HTRA3: variants seen among roughly 807,000 people sequenced by gnomAD.
The protein encoded by HTRA3 is serine protease HTRA3.
Under a neutral mutation model 43.2 loss-of-function variants are expected in HTRA3, and 41 were observed. That is an observed-to-expected ratio of 0.95 (90% CI 0.74 to 1.23). HTRA3 has a LOEUF of 1.23. HTRA3 is among the 50% of genes most tolerant of loss of function. The pLI, the probability that HTRA3 is intolerant of heterozygous loss-of-function variation, is 0.00. For missense variants in HTRA3, 628 were observed against 647.1 expected (o/e 0.97, Z 0.32); for synonymous variants, 295 against 287.9 (o/e 1.02, Z -0.25).
At chr4:8,270,836 T>G (rs1019186018) in intron 1 of HTRA3, among the ~76,000 whole-genome samples, 8 of 152,112 alleles carry the variant, frequency 5.3e-5, no homozygotes, top group Non-Finnish European at 1.2e-4. Flanking sequence ...CCTGAACTGC[T>G]TAGGGCGCCC....
intron 3 of HTRA3, among the ~76,000 whole-genome samples, chr4:8,291,021 C>T (rs1275818722): frequency 6.6e-6 from 1 of 152,210 alleles, no homozygotes; most frequent in Non-Finnish European, 1.5e-5. Context: ...CAGGTGTCTG[C>T]AGCTTTTACC....
chr4:8,291,224 G>C (rs1298940008), intron 3 of HTRA3, 146 bp from the exon 4 acceptor site: 1 of 703,950 alleles, frequency 1.4e-6, no homozygotes, highest in African/African-American at 1.7e-5. Flanking sequence ...CTGCACTGGT[G>C]ACCTGCCTGA....
In HTRA3 at chr4:8,306,313, G is replaced by C. The variant is rs1578811051; in HGVS notation, c.*177G>C. 3 of 615,304 alleles carry C rather than the reference G, an allele frequency of 4.9e-6. No homozygotes were observed. In the East Asian group the frequency reaches 9.1e-5, roughly 19 times the overall value. 38.1% of individuals were successfully genotyped at this position (615,304 alleles called of 1,614,324 possible). On this transcript the variant is annotated 3_prime_UTR_variant, in exon 9 of 9. Coordinates refer to ENST00000307358, the MANE Select transcript of HTRA3 (RefSeq NM_053044.5). The surrounding 1 kb of genome is among the most constrained non-coding windows in gnomAD (Gnocchi z 8.9). ...AGGGGCCCGAATTTCCGCCTGGGGA[G>C]TGTTGGATCCACATCCCGGTGCCGG...
chr4:8,279,897 G>A lies in HTRA3; in HGVS notation c.386-2540G>A, dbSNP rs1203603427. 6.6e-6 allele frequency among the ~76,000 whole-genome samples: 1 copy of A among 152,184 alleles called. No individual in the cohort carries two copies. The highest frequency in any genetic ancestry group is 1.5e-5 in the Non-Finnish European group (1 of 68,036). On this transcript the variant is annotated intron_variant, in intron 1 of 8. Coordinates refer to ENST00000307358, the MANE Select transcript of HTRA3 (RefSeq NM_053044.5). The surrounding 1 kb of genome is among the most constrained non-coding windows in gnomAD (Gnocchi z 7.4). ...CTGGTCGGTCACTGACTTGACCCTT[G>A]CCCCCAGCTGAACCACTGTGTCTCC...
At chr4:8,299,705 A>G (rs983992581) in intron 6 of HTRA3, among the ~76,000 whole-genome samples, 1 of 152,176 alleles carries the variant, frequency 6.6e-6, no homozygotes, top group Admixed American at 6.5e-5. Context: ...CTTTTTGTGC[A>G]TCTCTGGAGA....
At chr4:8,290,086 T>G (rs1713172498) in intron 3 of HTRA3, among the ~76,000 whole-genome samples, 1 of 152,204 alleles carries the variant, frequency 6.6e-6, no homozygotes. Context: ...ATGTCATCTC[T>G]CCGGGCCCTC....
chr4:8,302,495 C>A lies in HTRA3; in HGVS notation c.1084C>A (p.Arg362=), dbSNP rs746783864. The A allele has an allele frequency of 1.9e-6, 3 of 1,614,008 alleles. No homozygotes were observed. Among genetic ancestry groups the A allele is most frequent in the South Asian group, 1.1e-5 (1 of 91,082 alleles). ...WKKRFIGIRM[R]TITPSLVDEL... ...GAAGCGCTTCATCGGCATACGGATG[C>A]GGACGATCACACCAAGGTGAGTGTC... The change falls in exon 7 of 9, where the codon CGG becomes AGG. Residue 362 remains arginine (R), a synonymous_variant. Coordinates refer to ENST00000307358, the MANE Select transcript of HTRA3 (RefSeq NM_053044.5).
rs1713843667 is a variant in HTRA3, at chr4:8,306,201, G to A, written c.*65G>A. ...ACAACGGAGGGCAGCGCCCCCCCGA[G>A]ATCAGGACGAAGGACCACCGTCGGT... On this transcript the variant is annotated 3_prime_UTR_variant, in exon 9 of 9. Transcript: ENST00000307358. The surrounding 1 kb of genome is among the most constrained non-coding windows in gnomAD (Gnocchi z 8.9). 1.3e-6 allele frequency: 2 copies of A among 1,486,246 alleles called. No homozygotes were observed. The highest frequency in any genetic ancestry group is 1.4e-5 in the African/African-American group (1 of 71,224). The allele number at this position is 1,486,246 out of a possible 1,614,324, so 92.1% of individuals were successfully genotyped here. A position where few individuals can be genotyped will look rare whatever the true frequency, so the allele number is the denominator to read the frequency against.
chr4:8,282,510 C>G lies in HTRA3; in HGVS notation c.459C>G (p.Ala153=). The change falls in exon 2 of 9, where the codon GCC becomes GCG. Residue 153 remains alanine, a synonymous_variant. Transcript: ENST00000307358. ...ACGTGGTGGAGAAGATCGCACCAGC[C>G]GTGGTCCACATAGAGCTCTTCCTGA... The part of the protein sequence containing the change: ...IADVVEKIAP[A]VVHIELFLRH... 1 of 1,614,052 alleles carries G rather than the reference C, an allele frequency of 6.2e-7. No individual in the cohort carries two copies. The highest frequency in any genetic ancestry group is 1.1e-5 in the South Asian group (1 of 91,072).
chr4:8,277,435 G>C lies in HTRA3; in HGVS notation c.386-5002G>C, dbSNP rs577575493. ...GGTCCAGCCCAGACGCAGGGGTGCAGGCCACAGGTACACTCCCAAGGGACT... is the reference window on the plus strand; with the variant it reads ...GGTCCAGCCCAGACGCAGGGGTGCACGCCACAGGTACACTCCCAAGGGACT... On this transcript the variant is annotated intron_variant, in intron 1 of 8. Coordinates refer to ENST00000307358, the MANE Select transcript of HTRA3 (RefSeq NM_053044.5). 9.6e-4 allele frequency among the ~76,000 whole-genome samples: 146 copies of C among 151,314 alleles called. 1 individual carries two copies. The highest frequency in any genetic ancestry group is 3.5e-3 in the African/African-American group (144 of 41,468).
chr4:8,295,788 G>A lies in HTRA3; in HGVS notation c.1051+1587G>A, dbSNP rs1713432686. 1.6e-6 allele frequency: 2 copies of A among 1,267,362 alleles called. No individual in the cohort carries two copies. The highest frequency in any genetic ancestry group is 2.8e-5 in the South Asian group (1 of 35,148). The allele number at this position is 1,267,362 out of a possible 1,614,324, so 78.5% of individuals were successfully genotyped here. ...AGCCAAGCACATGGACCCCAGTGCA[G>A]CCAAGGCTGGTGCCATGAGGGCTGG... On this transcript the variant is annotated intron_variant, in intron 6 of 8. Coordinates refer to ENST00000307358, the MANE Select transcript of HTRA3 (RefSeq NM_053044.5). This position sits in a 1 kb window ranked among gnomAD's most constrained non-coding sequence, Gnocchi z 6.9.
chr4:8,278,471 G>T (rs1448509968), intron 1 of HTRA3, among the ~76,000 whole-genome samples: 2 of 152,092 alleles, frequency 1.3e-5, no homozygotes, highest in South Asian at 2.1e-4. Flanking sequence ...AGGATGGGGT[G>T]GGGGTGGAGG....
In HTRA3 at chr4:8,292,443, A is replaced by G. The variant is rs73083639; in HGVS notation, c.936+90A>G. 20,725 of 1,074,212 alleles carry G rather than the reference A, an allele frequency of 0.019. 381 individuals carry two copies. Among genetic ancestry groups the G allele is most frequent in the African/African-American group, 0.075 (4,766 of 63,806 alleles). The allele number at this position is 1,074,212 out of a possible 1,614,324, so 66.5% of individuals were successfully genotyped here. A position where few individuals can be genotyped will look rare whatever the true frequency, so the allele number is the denominator to read the frequency against. ...GCCTTGAGGTGGGACAGGGCCCACA[A>G]TATGGTCCTAGAACATTTACACCAA... On this transcript the variant is annotated intron_variant, in intron 5 of 8. Coordinates refer to ENST00000307358, the MANE Select transcript of HTRA3 (RefSeq NM_053044.5).
Position 8,270,166 on chromosome 4 carries a change from G to A in HTRA3, c.198G>A (p.Leu66=). Residue 66 remains leucine, a synonymous_variant, in exon 1 of 9, where the codon CTG becomes CTA. Coordinates refer to ENST00000307358, the MANE Select transcript of HTRA3 (RefSeq NM_053044.5). ...AGGGCGAGCCCTGTGGCGGCCCTCTGGACTCGCCTTGCGGCGAGAGCCTGG... is the reference window on the plus strand; with the variant it reads ...AGGGCGAGCCCTGTGGCGGCCCTCTAGACTCGCCTTGCGGCGAGAGCCTGG... The part of the protein sequence containing the change: ...ASEGEPCGGP[L]DSPCGESLEC... 6.5e-7 allele frequency: 1 copy of A among 1,540,102 alleles called. No homozygotes were observed. Among genetic ancestry groups the A allele is most frequent in the Non-Finnish European group, 8.6e-7 (1 of 1,156,832 alleles).
At chr4:8,304,161 C>T (rs376767441) in intron 7 of HTRA3, 23 bp from the exon 8 acceptor site, 1 of 1,601,148 alleles carries the variant, frequency 6.2e-7, no homozygotes, top group African/African-American at 1.3e-5. Context: ...AGGGGAGGGG[C>T]CTTGACGGCA....
chr4:8,278,706 G>A (rs541807682), intron 1 of HTRA3, among the ~76,000 whole-genome samples: 3 of 152,194 alleles, frequency 2.0e-5, no homozygotes, highest in East Asian at 1.9e-4. Context: ...CTGCAGGGGT[G>A]CCCCAGGCTC....
At chr4:8,305,651 G>A (rs898536637) in intron 8 of HTRA3, among the ~76,000 whole-genome samples, 19 of 152,196 alleles carry the variant, frequency 1.2e-4, no homozygotes, top group African/African-American at 2.9e-4. Context: ...TGCAAAGTGC[G>A]TTTCCACATA....
chr4:8,298,791 C>A (rs1713542213), intron 6 of HTRA3, among the ~76,000 whole-genome samples: 1 of 152,182 alleles, frequency 6.6e-6, no homozygotes, highest in Admixed American at 6.5e-5. Context: ...TGCCTTCGCA[C>A]CGTTGTCCAA....
intron 3 of HTRA3, among the ~76,000 whole-genome samples, chr4:8,288,039 T>C (rs931346442): frequency 7.2e-5 from 11 of 152,216 alleles, no homozygotes; most frequent in African/African-American, 2.7e-4. Flanking sequence ...GAATTTGGCT[T>C]CCTCTCTTTC....
Sources: allele counts gnomAD v4.1 joint callset (sites outside exome capture counted in the v4.1 genomes callset), GRCh38; gene constraint gnomAD v4.1.1; non-coding constraint Gnocchi (gnomAD v3.1); transcripts MANE v1.5; gene names NCBI Gene and HGNC (gene_info 2026-07-23, HGNC 2026-07-21).